Variants in RPRD1A observed in about 807,000 individuals in gnomAD.
RPRD1A encodes the protein regulation of nuclear pre-mRNA domain-containing protein 1A.
A neutral mutation model predicts 37.8 loss-of-function variants in RPRD1A; 9 were observed. That is an observed-to-expected ratio of 0.24 (90% CI 0.14 to 0.42). The LOEUF (loss-of-function observed/expected upper bound fraction) is 0.42, where lower values mean the gene tolerates loss of function less well. Ranked by LOEUF, RPRD1A falls within the 10% of genes least tolerant of loss-of-function variation. The probability of loss-of-function intolerance (pLI) is 1.00; values close to 1 mark genes in which losing one functional copy is unlikely to be tolerated. For synonymous variants in RPRD1A, 138 were observed against 139.7 expected (o/e 0.99, Z 0.08); for missense variants, 255 against 371.0 (o/e 0.69, Z 2.57).
chr18:35,998,823 C>A (rs1369031433), intron 6 of RPRD1A, among the ~76,000 whole-genome samples: 1 of 152,186 alleles, frequency 6.6e-6, no homozygotes, highest in East Asian at 1.9e-4. Flanking sequence ...TCTGTCTTGT[C>A]TTTCCAAGGG....
chr18:36,054,812 A>G (rs1190664741), intron 1 of RPRD1A, among the ~76,000 whole-genome samples: 1 of 152,078 alleles, frequency 6.6e-6, no homozygotes, highest in African/African-American at 2.4e-5. Context: ...GAGACCTGGA[A>G]GAGCAGCCAA....
At chr18:36,058,576 T>C (rs1913956247) in intron 1 of RPRD1A, among the ~76,000 whole-genome samples, 1 of 152,208 alleles carries the variant, frequency 6.6e-6, no homozygotes, top group Non-Finnish European at 1.5e-5. Context: ...AAAATTACGT[T>C]ACGGGCCAAA....
At chr18:36,004,175 G>A (rs1047596197) in intron 6 of RPRD1A, among the ~76,000 whole-genome samples, 3 of 151,536 alleles carry the variant, frequency 2.0e-5, no homozygotes, top group Non-Finnish European at 4.4e-5. Context: ...GCTAGGAGGG[G>A]TTAAATACAT....
chr18:36,054,543 C>G (rs1359250142), intron 1 of RPRD1A, among the ~76,000 whole-genome samples: 1 of 152,084 alleles, frequency 6.6e-6, no homozygotes, highest in Non-Finnish European at 1.5e-5. Flanking sequence ...AGATGAAGTG[C>G]TCAGATTACT....
intron 6 of RPRD1A, among the ~76,000 whole-genome samples, chr18:36,022,271 A>T (rs1346986161): frequency 6.6e-6 from 1 of 152,232 alleles, no homozygotes; most frequent in Admixed American, 6.5e-5. Context: ...GTGCAGAGTG[A>T]AGCAGCAAGG....
At chr18:36,065,023 A>G (rs1568158783) in intron 1 of RPRD1A, among the ~76,000 whole-genome samples, 1 of 152,192 alleles carries the variant, frequency 6.6e-6, no homozygotes, top group Non-Finnish European at 1.5e-5. Context: ...CAGCGAGACC[A>G]CAAACCCATC....
At chr18:36,049,207 T>C (rs921720145) in intron 1 of RPRD1A, among the ~76,000 whole-genome samples, 2 of 152,164 alleles carry the variant, frequency 1.3e-5, no homozygotes, top group African/African-American at 2.4e-5. Flanking sequence ...TGCCCTCCCA[T>C]GGATTATTTT....
At chr18:36,004,172 G>A (rs929983028) in intron 6 of RPRD1A, among the ~76,000 whole-genome samples, 1 of 151,754 alleles carries the variant, frequency 6.6e-6, no homozygotes, top group Non-Finnish European at 1.5e-5. Flanking sequence ...AAAGCTAGGA[G>A]GGGTTAAATA....
intron 2 of RPRD1A, among the ~76,000 whole-genome samples, chr18:36,031,492 A>G (rs775695488): frequency 2.0e-5 from 3 of 152,214 alleles, no homozygotes; most frequent in Non-Finnish European, 4.4e-5. Flanking sequence ...ATGCAAATGC[A>G]GCTTATGGCA....
chr18:36,030,952 T>C lies in RPRD1A; in HGVS notation c.388+39A>G. The C allele has an allele frequency of 2.5e-6, 4 of 1,598,234 alleles. No homozygotes were observed. In the South Asian group the frequency reaches 4.5e-5, roughly 18 times the overall value. On this transcript the variant is annotated intron_variant, in intron 3 of 6. Transcript: ENST00000399022. ...GTATTAATGAAAGAATACATTTTAA[T>C]GAAGAGATCAAGGTAAGAGATCAGG...
chr18:36,003,037 C>T (rs186812633), intron 6 of RPRD1A, among the ~76,000 whole-genome samples: 7 of 152,324 alleles, frequency 4.6e-5, no homozygotes, highest in Admixed American at 2.6e-4. Flanking sequence ...TAATAGCTTT[C>T]AAAGGTTCTG....
At chr18:36,040,412 AC>A (rs1200596628) in intron 1 of RPRD1A, among the ~76,000 whole-genome samples, 3 of 152,186 alleles carry the variant, frequency 2.0e-5, no homozygotes, top group Admixed American at 2.0e-4. Context: ...TCCCCTCATG[AC>A]CTAATGAATG....
chr18:36,052,644 G>A (rs1448028362), intron 1 of RPRD1A, among the ~76,000 whole-genome samples: 1 of 152,058 alleles, frequency 6.6e-6, no homozygotes, highest in African/African-American at 2.4e-5. Context: ...TGTCACCCAG[G>A]GTGGAGTGCA....
intron 6 of RPRD1A, among the ~76,000 whole-genome samples, chr18:35,994,380 C>T (rs997315530): frequency 6.6e-6 from 1 of 152,156 alleles, no homozygotes; most frequent in Non-Finnish European, 1.5e-5. Context: ...CTGAACCGAA[C>T]CAAACCAACA....
chr18:36,046,772 C>A (rs1912985053), intron 1 of RPRD1A, among the ~76,000 whole-genome samples: 1 of 151,312 alleles, frequency 6.6e-6, no homozygotes, highest in Non-Finnish European at 1.5e-5. Flanking sequence ...GAGATCAAGG[C>A]TGCAGTGAGC....
In RPRD1A at chr18:36,059,095, A is replaced by C. The variant is rs987333237; in HGVS notation, c.151+8159T>G. ...ATTAGACCAACATATACATCTATCA[A>C]AACATCAAACTGTATCCCATAAATA... On this transcript the variant is annotated intron_variant, in intron 1 of 6. Coordinates refer to ENST00000399022, the MANE Select transcript of RPRD1A (RefSeq NM_018170.5). 2.6e-5 allele frequency among the ~76,000 whole-genome samples: 4 copies of C among 152,332 alleles called. No homozygotes were observed. The East Asian group carries it at 7.7e-4, about 29-fold the overall frequency.
intron 1 of RPRD1A, 66 bp from the exon 2 acceptor site, chr18:36,033,903 C>A (rs1204863673): frequency 2.2e-6 from 3 of 1,365,724 alleles, no homozygotes; most frequent in Non-Finnish European, 3.0e-6. Flanking sequence ...TTTCTCAATA[C>A]CTAAATTAAG....
intron 4 of RPRD1A, among the ~76,000 whole-genome samples, chr18:36,029,829 G>A (rs1201103115): frequency 2.0e-5 from 3 of 148,622 alleles, no homozygotes; most frequent in African/African-American, 5.0e-5. Flanking sequence ...TTTTTGAGAC[G>A]GAGTCTCGCT....
chr18:36,053,230 G>A (rs1913526361), intron 1 of RPRD1A, among the ~76,000 whole-genome samples: 2 of 152,084 alleles, frequency 1.3e-5, no homozygotes, highest in Admixed American at 6.5e-5. Flanking sequence ...CAATTCAGGG[G>A]TTTTTAGTGC....
Sources: gnomAD v4.1 joint callset for allele counts (sites outside exome capture counted in the v4.1 genomes callset) on GRCh38, gnomAD v4.1.1 for gene constraint, MANE v1.5 for transcripts, NCBI Gene and HGNC (gene_info 2026-07-23, HGNC 2026-07-21) for gene names.